The following GPR75 variants were observed in gnomAD, a reference collection of about 807,000 sequenced individuals.
GPR75 encodes the protein G protein-coupled receptor 75, also known as probable G protein-coupled receptor 75.
Under a neutral mutation model 26.0 loss-of-function variants are expected in GPR75, and 27 were observed. That is an observed-to-expected ratio of 1.04 (90% CI 0.77 to 1.43). GPR75 has a LOEUF of 1.43. Among genes scored for constraint, GPR75 ranks in the 40% most tolerant of loss-of-function variants. The pLI, the probability that GPR75 is intolerant of heterozygous loss-of-function variation, is 0.00. For synonymous variants in GPR75, 285 were observed against 256.3 expected, an observed-to-expected ratio of 1.11 and a Z score of -1.07; for missense variants, 699 against 662.3, an observed-to-expected ratio of 1.06 and a Z score of -0.61.
chr2:53,856,130 G>A (rs1678220177), intron 1 of GPR75, among the ~76,000 whole-genome samples: 1 of 152,212 alleles, frequency 6.6e-6, no homozygotes, highest in African/African-American at 2.4e-5. Flanking sequence ...TACGCCAGGT[G>A]CTAGGTGCTA....
chr2:53,854,087 T>C lies in GPR75; in HGVS notation c.670A>G (p.Met224Val), dbSNP rs761429501. ...TTCTTCCGCAGGGTCTGAGCAATCA[T>C]GATGTAAGAGACAGAGACCACAGCA... ...CVAVVSVSYI[M>V]IAQTLRKNAQ... Residue 224 changes from methionine (M) to valine (V), a missense_variant, in exon 2 of 2, where the codon ATG (methionine) becomes GTG (valine). By Grantham distance (21) the Met-to-Val change is conservative. Transcript: ENST00000394705. 2.5e-6 allele frequency: 4 copies of C among 1,613,932 alleles called. No homozygotes were observed. Among genetic ancestry groups the C allele is most frequent in the Non-Finnish European group, 3.4e-6 (4 of 1,180,010 alleles).
Position 53,854,024 on chromosome 2 carries a change from C to G in GPR75, c.733G>C (p.Asp245His), listed in dbSNP as rs767003346. Residue 245 changes from aspartate to histidine, a missense_variant, in exon 2 of 2, where the codon GAT becomes CAT. Asp to His is a moderately conservative substitution (Grantham distance 81). Transcript: ENST00000394705. ...VRKCPPVITV[D>H]ASRPQPFMGV... ...ATGAAAGGCTGTGGTCTGGAAGCAT[C>G]GACTGTGATTACAGGGGGGCACTTT... is the stretch of plus-strand genomic sequence containing the variant. 2 of 1,614,170 alleles carry G rather than the reference C, an allele frequency of 1.2e-6. No individual in the cohort carries two copies. The highest frequency in any genetic ancestry group is 1.7e-6 in the Non-Finnish European group (2 of 1,180,028).
At chr2:53,855,599 G>C (rs1173093130) in intron 1 of GPR75, among the ~76,000 whole-genome samples, 1 of 152,136 alleles carries the variant, frequency 6.6e-6, no homozygotes, top group Non-Finnish European at 1.5e-5. Flanking sequence ...AGCAAGCACA[G>C]GCCAGCTGGA....
At position 53,854,814 on chromosome 2, in the gene GPR75, C is replaced by G. The variant is rs1210370013; in HGVS notation, c.-58G>C. ...CCAAAAATACTCAGTGAGTCAGGGC[C>G]TCAGCTCACAGATGAGCAATATGTG... On this transcript the variant is annotated 5_prime_UTR_variant, in exon 2 of 2. Coordinates refer to ENST00000394705, the MANE Select transcript of GPR75 (RefSeq NM_006794.4). 8 of 1,378,488 alleles carry G rather than the reference C, an allele frequency of 5.8e-6. No homozygotes were observed. Among genetic ancestry groups the G allele is most frequent in the Admixed American group, 1.8e-5 (1 of 54,308 alleles). 85.4% of individuals were successfully genotyped at this position (1,378,488 alleles called of 1,614,324 possible). A position where few individuals can be genotyped will look rare whatever the true frequency, so the allele number is the denominator to read the frequency against.
chr2:53,858,419 AC>A, intron 1 of GPR75, among the ~76,000 whole-genome samples: 1 of 151,246 alleles, frequency 6.6e-6, no homozygotes, highest in South Asian at 2.1e-4. Flanking sequence ...ACACACACAC[AC>A]ACACACACAC....
At position 53,859,853 on chromosome 2, in the gene GPR75, C is replaced by G; in HGVS notation, c.-135G>C. ...CTGCCGGGTGGCCGCAGCGCCGCCC[C>G]TCCTCCATCTCGCAGTCCGGACCCC... On this transcript the variant is annotated 5_prime_UTR_variant, in exon 1 of 2. Transcript: ENST00000394705. 1 of 1,533,380 alleles carries G rather than the reference C, an allele frequency of 6.5e-7. No homozygotes were observed. Among genetic ancestry groups the G allele is most frequent in the Non-Finnish European group, 8.7e-7 (1 of 1,144,368 alleles). 95.0% of individuals were successfully genotyped at this position (1,533,380 alleles called of 1,614,324 possible).
In GPR75 at chr2:53,859,960, G is replaced by C; in HGVS notation, c.-242C>G. On this transcript the variant is annotated 5_prime_UTR_variant, in exon 1 of 2. Coordinates refer to ENST00000394705, the MANE Select transcript of GPR75 (RefSeq NM_006794.4). ...CGCCTCCGCGCATCCCGGGAGCCGC[G>C]GCAAGACGCGGGCGCAGAGGCGCAG... The C allele has an allele frequency of 6.8e-7, 1 of 1,474,222 alleles. No homozygotes were observed. Among genetic ancestry groups the C allele is most frequent in the Non-Finnish European group, 9.0e-7 (1 of 1,114,152 alleles). The allele number at this position is 1,474,222 out of a possible 1,614,324, so 91.3% of individuals were successfully genotyped here.
Position 53,854,658 on chromosome 2 carries a change from A to G in GPR75, c.99T>C (p.Leu33=). 4.3e-6 allele frequency: 7 copies of G among 1,614,086 alleles called. No individual in the cohort carries two copies. The highest frequency in any genetic ancestry group is 5.9e-6 in the Non-Finnish European group (7 of 1,179,966). Reference sequence around the variant, plus strand: ...AGGTGGCTGTGTGGATGAGATCCTGAAGACCCTCCTGGAGAGAGGTGCTGT... The same window carrying G: ...AGGTGGCTGTGTGGATGAGATCCTGGAGACCCTCCTGGAGAGAGGTGCTGT... The part of the protein sequence containing the change: ...EGNSTSLQEG[L]QDLIHTATLV... Residue 33 remains leucine (L), a synonymous_variant, in exon 2 of 2, where the codon CTT becomes CTC. Transcript: ENST00000394705.
chr2:53,855,864 A>G (rs1678213197), intron 1 of GPR75, among the ~76,000 whole-genome samples: 1 of 152,184 alleles, frequency 6.6e-6, no homozygotes, highest in Non-Finnish European at 1.5e-5. Context: ...CCAATTAACT[A>G]CATATTCTCC....
chr2:53,859,767 C>T (rs934724973), intron 1 of GPR75, 61 bp downstream of exon 1: 4 of 1,339,516 alleles, frequency 3.0e-6, no homozygotes, highest in Non-Finnish European at 4.1e-6. Context: ...TCCCGCCAGC[C>T]TCCGGGAGCC....
Position 53,854,004 on chromosome 2 carries a change from A to G in GPR75, c.753T>C (p.Pro251=). The change falls in exon 2 of 2, where the codon CCT becomes CCC. Residue 251 remains proline (P), a synonymous_variant. Transcript: ENST00000394705. ...VITVDASRPQ[P]FMGVPVQGGG... Reference sequence around the variant, plus strand: ...CTCCCTGCACAGGGACCCCCATGAAAGGCTGTGGTCTGGAAGCATCGACTG... The same window carrying G: ...CTCCCTGCACAGGGACCCCCATGAAGGGCTGTGGTCTGGAAGCATCGACTG... 6.2e-7 allele frequency: 1 copy of G among 1,614,152 alleles called. No individual in the cohort carries two copies. The highest frequency in any genetic ancestry group is 8.5e-7 in the Non-Finnish European group (1 of 1,180,024).
chr2:53,859,041 GAT>G (rs1288189556), intron 1 of GPR75, among the ~76,000 whole-genome samples: 2 of 150,476 alleles, frequency 1.3e-5, no homozygotes, highest in Admixed American at 1.3e-4. Flanking sequence ...TTTTCATTAA[GAT>G]ATGTGAACAG....
chr2:53,859,703 G>A (rs1678326891), intron 1 of GPR75, 125 bp downstream of exon 1: 5 of 677,916 alleles, frequency 7.4e-6, no homozygotes, highest in Non-Finnish European at 1.2e-5. Flanking sequence ...GGCCGCACCA[G>A]GAAGACAGGT....
chr2:53,853,175 CAT>C lies in GPR75; in HGVS notation c.1580_1581del (p.Tyr527Ter). 6.2e-7 allele frequency: 1 copy of C among 1,613,900 alleles called. No individual in the cohort carries two copies. Among genetic ancestry groups the C allele is most frequent in the South Asian group, 1.1e-5 (1 of 91,050 alleles). On this transcript the variant is annotated frameshift_variant, in exon 2 of 2. Coordinates refer to ENST00000394705, the MANE Select transcript of GPR75 (RefSeq NM_006794.4). LOFTEE classifies it high-confidence loss of function. ...YHTTNDLVQE[Y>X]DSTSAKQIPV... ...GGAATCTGCTTGGCTGAAGTGCTGTCATATTCCTGCACTAAGTCATTAGTGGT... is the reference window on the plus strand; with the variant it reads ...GGAATCTGCTTGGCTGAAGTGCTGTCATTCCTGCACTAAGTCATTAGTGGT...
At chr2:53,859,629 G>T (rs10164434) in intron 1 of GPR75, among the ~76,000 whole-genome samples, 199 bp downstream of exon 1, 2 of 144,652 alleles carry the variant, frequency 1.4e-5, no homozygotes, top group Non-Finnish European at 3.0e-5. Context: ...GGGTGGGTGG[G>T]GGGGGTTCCA....
intron 1 of GPR75, among the ~76,000 whole-genome samples, chr2:53,859,242 C>T (rs1203693304): frequency 2.0e-5 from 3 of 151,706 alleles, no homozygotes; most frequent in Non-Finnish European, 4.4e-5. Context: ...ATTGTGATTC[C>T]CATTGTATTT....
intron 1 of GPR75, among the ~76,000 whole-genome samples, chr2:53,858,912 C>A (rs920135971): frequency 2.0e-5 from 3 of 151,948 alleles, no homozygotes; most frequent in African/African-American, 7.3e-5. Context: ...CTTAAGCATG[C>A]ATATTAGCTG....
At position 53,854,074 on chromosome 2, in the gene GPR75, G is replaced by T; in HGVS notation, c.683C>A (p.Thr228Asn). 6.2e-7 allele frequency: 1 copy of T among 1,614,156 alleles called. No homozygotes were observed. The highest frequency in any genetic ancestry group is 8.5e-7 in the Non-Finnish European group (1 of 1,180,016). The change falls in exon 2 of 2, where the codon ACC (threonine) becomes AAC (asparagine). Residue 228 changes from threonine to asparagine, a missense_variant. By Grantham distance (65) the Thr-to-Asn change is moderately conservative (BLOSUM62 0). Transcript: ENST00000394705. The part of the protein sequence containing the change: ...VSVSYIMIAQ[T>N]LRKNAQVRKC... ...TCTGACTTGAGCGTTCTTCCGCAGG[G>T]TCTGAGCAATCATGATGTAAGAGAC...
chr2:53,856,519 G>A (rs776547872), intron 1 of GPR75, among the ~76,000 whole-genome samples: 9 of 152,142 alleles, frequency 5.9e-5, no homozygotes, highest in Non-Finnish European at 1.3e-4. Context: ...GGGGTACAGC[G>A]GAATGAACCA....
Sources: allele counts gnomAD v4.1 joint callset (sites outside exome capture counted in the v4.1 genomes callset), GRCh38; gene constraint gnomAD v4.1.1; transcripts MANE v1.5; gene names NCBI Gene and HGNC (gene_info 2026-07-23, HGNC 2026-07-21).